Variants in UBXN6 observed in about 807,000 individuals in gnomAD.
UBXN6 encodes the protein UBX domain-containing protein 6.
In UBXN6, 44 loss-of-function variants were observed where a neutral mutation model predicts 51.4. The ratio of observed to expected loss-of-function variants is 0.86; its 90% CI spans 0.67 to 1.10. UBXN6 has a LOEUF of 1.10. Among genes scored for constraint, UBXN6 ranks in the 50% least tolerant of loss-of-function variants. The probability of loss-of-function intolerance (pLI) is 0.00; values close to 1 mark genes in which losing one functional copy is unlikely to be tolerated. For missense variants in UBXN6, 672 were observed against 596.1 expected, an observed-to-expected ratio of 1.13 and a Z score of -1.32; for synonymous variants, 316 against 263.2, an observed-to-expected ratio of 1.20 and a Z score of -1.94.
intron 4 of UBXN6, among the ~76,000 whole-genome samples, chr19:4,451,963 ACAT>A (rs1974660600): frequency 6.6e-6 from 1 of 151,582 alleles, no homozygotes; most frequent in African/African-American, 2.4e-5. Context: ...AGCCTGGCCA[ACAT>A]GGTGAAACCC....
rs776558429 is a variant in UBXN6, at chr19:4,457,699, G to T, written c.-2C>A. 3.8e-6 allele frequency: 6 copies of T among 1,567,910 alleles called. No individual in the cohort carries two copies. The South Asian group carries it at 4.6e-5, about 12-fold the overall frequency. On this transcript the variant is annotated 5_prime_UTR_variant, in exon 1 of 11. Transcript: ENST00000301281. The stretch of plus-strand genomic sequence containing the variant: ...GAACTCCTGAAAGAATTTCTTCATG[G>T]TGGCGGCTGGCCCGGCGGCGGGGGG...
chr19:4,448,127 T>C (rs1974576807), intron 5 of UBXN6, 191 bp downstream of exon 5: 1 of 607,752 alleles, frequency 1.6e-6, no homozygotes. Context: ...TGCACACGGG[T>C]AAACTGAGGC....
In UBXN6 at chr19:4,453,532, A is replaced by G. The variant is rs771671346; in HGVS notation, c.248-10T>C. The stretch of plus-strand genomic sequence containing the variant: ...TGAAGTTCCTTTCTCACTGGAAGGC[A>G]GCCCAAGAAAGAGAGGCAGAGACGG... On this transcript the variant is annotated splice_polypyrimidine_tract_variant and intron_variant, in intron 2 of 10. Transcript: ENST00000301281. 6 of 1,613,088 alleles carry G rather than the reference A, an allele frequency of 3.7e-6. No homozygotes were observed. The highest frequency in any genetic ancestry group is 5.1e-6 in the Non-Finnish European group (6 of 1,179,772).
chr19:4,446,179 T>C lies in UBXN6; in HGVS notation c.1070A>G (p.Glu357Gly). ...CLLQGTFYAR[E>G]RLGAVYGFVR... Reference sequence around the variant, plus strand: ...GAACCCGTACACCGCCCCCAGCCGCTCCCGAGCGTAGAAAGTGCCTGGGGA... The same window carrying C: ...GAACCCGTACACCGCCCCCAGCCGCCCCCGAGCGTAGAAAGTGCCTGGGGA... Residue 357 changes from glutamate to glycine, a missense_variant, in exon 10 of 11, where the codon GAG (glutamate) becomes GGG (glycine). Glu to Gly is a moderately conservative substitution (Grantham distance 98). Transcript: ENST00000301281. The C allele has an allele frequency of 6.2e-7, 1 of 1,607,350 alleles. No homozygotes were observed. Among genetic ancestry groups the C allele is most frequent in the African/African-American group, 1.3e-5 (1 of 74,946 alleles).
chr19:4,453,409 C>T (rs773959023), intron 3 of UBXN6, 49 bp downstream of exon 3: 3 of 1,592,448 alleles, frequency 1.9e-6, no homozygotes, highest in South Asian at 1.1e-5. Flanking sequence ...CACAGTCAAG[C>T]TGTCCCCACC....
At chr19:4,451,511 C>A (rs563598242) in intron 4 of UBXN6, among the ~76,000 whole-genome samples, 6 of 152,340 alleles carry the variant, frequency 3.9e-5, no homozygotes, top group African/African-American at 1.4e-4. Flanking sequence ...CGCCACCATG[C>A]CCAGCTATTT....
Position 4,445,328 on chromosome 19 carries a change from G to A in UBXN6, c.*170C>T. The A allele has an allele frequency of 3.4e-6, 4 of 1,162,668 alleles. No individual in the cohort carries two copies. In the South Asian group the frequency reaches 5.9e-5, roughly 17 times the overall value. The allele number at this position is 1,162,668 out of a possible 1,614,324, so 72.0% of individuals were successfully genotyped here. A position where few individuals can be genotyped will look rare whatever the true frequency, so the allele number is the denominator to read the frequency against. The stretch of plus-strand genomic sequence containing the variant: ...ATCCCCACAGCCCCCAAGGGATGGG[G>A]GCTCTGCCACGGGGCCCAATTCCAC... On this transcript the variant is annotated 3_prime_UTR_variant, in exon 11 of 11. Coordinates refer to ENST00000301281, the MANE Select transcript of UBXN6 (RefSeq NM_025241.3).
chr19:4,446,981 C>G, intron 6 of UBXN6, 61 bp from the exon 7 acceptor site: 1 of 1,533,088 alleles, frequency 6.5e-7, no homozygotes, highest in Non-Finnish European at 9.0e-7. Context: ...TGGCCACACC[C>G]CACCCAGTCC....
In UBXN6 at chr19:4,457,606, C is replaced by T; in HGVS notation, c.83+9G>A. 1 of 1,593,398 alleles carries T rather than the reference C, an allele frequency of 6.3e-7. No homozygotes were observed. Among genetic ancestry groups the T allele is most frequent in the South Asian group, 1.1e-5 (1 of 89,912 alleles). ...CGCAGGGCCTCAAGCCCCTGCGTTCCTCACGCACCCCACGGACTCTTTGAG... is the reference window on the plus strand; with the variant it reads ...CGCAGGGCCTCAAGCCCCTGCGTTCTTCACGCACCCCACGGACTCTTTGAG... On this transcript the variant is annotated intron_variant, in intron 1 of 10. Coordinates refer to ENST00000301281, the MANE Select transcript of UBXN6 (RefSeq NM_025241.3).
intron 1 of UBXN6, among the ~76,000 whole-genome samples, chr19:4,456,451 A>C: frequency 1.6e-5 from 2 of 125,912 alleles, no homozygotes; most frequent in Non-Finnish European, 1.7e-5. Context: ...AATCCCTTCC[A>C]CTATTGCTTA....
At chr19:4,455,348 T>C (rs896102413) in intron 1 of UBXN6, 1 of 963,408 alleles carries the variant, frequency 1.0e-6, no homozygotes, top group Non-Finnish European at 1.2e-6. Flanking sequence ...GTCCCACCCC[T>C]GCCTATCTAG....
chr19:4,452,483 GCT>G lies in UBXN6; in HGVS notation c.320_321del (p.Glu107AlafsTer102). On this transcript the variant is annotated frameshift_variant, in exon 4 of 11. Transcript: ENST00000301281. LOFTEE classifies it high-confidence loss of function. ...PEAPGTNVVS[E>X]PREEGSAHLA... The stretch of plus-strand genomic sequence containing the variant: ...AGGTGGGCAGAGCCTTCCTCTCTGG[GCT>G]CAGATACCTGGGGCGGTGAAAGCGT... The G allele has an allele frequency of 3.1e-6, 5 of 1,610,884 alleles. No individual in the cohort carries two copies. The highest frequency in any genetic ancestry group is 4.2e-6 in the Non-Finnish European group (5 of 1,179,630).
chr19:4,446,401 C>T lies in UBXN6; in HGVS notation c.933G>A (p.Val311=), dbSNP rs1379879808. The change falls in exon 9 of 11, where the codon GTG becomes GTA. Residue 311 remains valine, a synonymous_variant. Coordinates refer to ENST00000301281, the MANE Select transcript of UBXN6 (RefSeq NM_025241.3). ...KREQRLRSEA[V]ERLSVLRTKA... ...TGGTCCGCAGCACGCTCAGCCGCTC[C>T]ACCGCCTCGGACCTGCACACGCGGG... 1.9e-6 allele frequency: 3 copies of T among 1,578,882 alleles called. No individual in the cohort carries two copies. The highest frequency in any genetic ancestry group is 3.6e-5 in the Admixed American group (2 of 56,286).
chr19:4,447,804 C>A, intron 5 of UBXN6, 179 bp from the exon 6 acceptor site: 2 of 624,192 alleles, frequency 3.2e-6, no homozygotes, highest in Admixed American at 2.4e-5. Context: ...CCTCGGACAC[C>A]CCATGGAGCC....
chr19:4,446,223 G>T (rs1179735448), intron 9 of UBXN6, 26 bp from the exon 10 acceptor site: 2 of 1,583,852 alleles, frequency 1.3e-6, no homozygotes, highest in Middle Eastern at 1.7e-4. Flanking sequence ...GTCAGAGCGG[G>T]TGGGGCCCAG....
rs755527431 is a variant in UBXN6 at position 4,454,109 on chromosome 19, G to C, written c.84-16C>G. 1.3e-5 allele frequency: 20 copies of C among 1,518,004 alleles called. No homozygotes were observed. In the Admixed American group the frequency reaches 4.3e-4, roughly 33 times the overall value. 94.0% of individuals were successfully genotyped at this position (1,518,004 alleles called of 1,614,324 possible). ...GGCCTTTTCCCTGGGAACAGACCGA[G>C]GGAGAGTGAGTGTATCCTCCCGAGG... On this transcript the variant is annotated splice_polypyrimidine_tract_variant and intron_variant, in intron 1 of 10. Transcript: ENST00000301281.
chr19:4,447,635 G>C lies in UBXN6; in HGVS notation c.540-10C>G. On this transcript the variant is annotated splice_polypyrimidine_tract_variant and intron_variant, in intron 5 of 10. Transcript: ENST00000301281. The stretch of plus-strand genomic sequence containing the variant: ...GATGTTGTCCAGGTACCTGGGGTAG[G>C]TGGAGAAGGTGAGTGGGGCACAGCC... The C allele has an allele frequency of 2.5e-6, 4 of 1,613,824 alleles. No homozygotes were observed. Among genetic ancestry groups the C allele is most frequent in the Non-Finnish European group, 3.4e-6 (4 of 1,179,796 alleles).
intron 1 of UBXN6, among the ~76,000 whole-genome samples, chr19:4,457,072 A>AC (rs976924104): frequency 6.6e-6 from 1 of 150,596 alleles, no homozygotes; most frequent in African/African-American, 2.4e-5. Context: ...ACTCTTCACC[A>AC]CCCCACCCCA....
chr19:4,452,204 A>G (rs1217349317), intron 4 of UBXN6, among the ~76,000 whole-genome samples, 160 bp downstream of exon 4: 2 of 151,854 alleles, frequency 1.3e-5, no homozygotes, highest in Admixed American at 1.3e-4. Context: ...TGCATACACA[A>G]TGGTGTGCCT....
Sources: allele counts gnomAD v4.1 joint callset (sites outside exome capture counted in the v4.1 genomes callset), GRCh38; gene constraint gnomAD v4.1.1; transcripts MANE v1.5; gene names NCBI Gene and HGNC (gene_info 2026-07-23, HGNC 2026-07-21).